Variants in WDR41 observed in about 807,000 individuals in gnomAD.
WDR41 encodes the protein WD repeat-containing protein 41.
WDR41 carries 63 observed loss-of-function variants against 69.3 expected under a neutral mutation model. That is an observed-to-expected ratio of 0.91 (90% CI 0.74 to 1.12). WDR41 has a LOEUF of 1.12. WDR41 is among the 50% of genes most tolerant of loss of function. The pLI is 0.00. For synonymous variants in WDR41, 185 were observed against 192.1 expected (o/e 0.96, Z 0.31); for missense variants, 543 against 534.5 (o/e 1.02, Z -0.16).
chr5:77,474,987 C>G (rs1400408456), intron 2 of WDR41, among the ~76,000 whole-genome samples: 1 of 152,200 alleles, frequency 6.6e-6, no homozygotes, highest in African/African-American at 2.4e-5. Context: ...AGCAGGGCGA[C>G]GCATTGCCTC....
chr5:77,450,016 AC>A (rs1242401010), intron 7 of WDR41, 146 bp from the exon 8 acceptor site: 3 of 614,322 alleles, frequency 4.9e-6, no homozygotes, highest in Non-Finnish European at 8.7e-6. Context: ...TATTCATACT[AC>A]TTTAAACTAT....
At chr5:77,521,301 A>T (rs1802367461) in intron 1 of WDR41, among the ~76,000 whole-genome samples, 1 of 152,212 alleles carries the variant, frequency 6.6e-6, no homozygotes, top group African/African-American at 2.4e-5. Flanking sequence ...CTCCTGTGAG[A>T]ATCTAATGCC....
intron 1 of WDR41, chr5:77,545,721 C>T (rs1001146540): frequency 3.7e-5 from 20 of 539,980 alleles, no homozygotes; most frequent in Admixed American, 6.6e-5. Flanking sequence ...AGCAGACCCA[C>T]GCTGGCCAGT....
chr5:77,508,202 G>T (rs1354504830), intron 1 of WDR41, among the ~76,000 whole-genome samples: 1 of 151,670 alleles, frequency 6.6e-6, no homozygotes, highest in Non-Finnish European at 1.5e-5. Flanking sequence ...GCTCACTGCA[G>T]CCTCGACCAC....
At chr5:77,543,338 G>T (rs1743127515) in intron 1 of WDR41, among the ~76,000 whole-genome samples, 1 of 152,160 alleles carries the variant, frequency 6.6e-6, no homozygotes, top group Non-Finnish European at 1.5e-5. Context: ...AATTCAGGAG[G>T]TTAGTTACTA....
At chr5:77,603,388 T>C (rs1744360035) in intron 1 of WDR41, among the ~76,000 whole-genome samples, 1 of 152,238 alleles carries the variant, frequency 6.6e-6, no homozygotes, top group Admixed American at 6.5e-5. Flanking sequence ...TCTATTCATG[T>C]CCTTTGCCCA....
At position 77,545,957 on chromosome 5, in the gene WDR41, C is replaced by T. The variant is rs768333879; in HGVS notation, c.43-56385G>A. The T allele has an allele frequency of 6.2e-5, 30 of 485,418 alleles. 1 individual carries two copies. Among genetic ancestry groups the T allele is most frequent in the African/African-American group, 4.1e-4 (20 of 49,276 alleles). 30.1% of individuals were successfully genotyped at this position (485,418 alleles called of 1,614,324 possible). A position where few individuals can be genotyped will look rare whatever the true frequency, so the allele number is the denominator to read the frequency against. ...GCAAGGTGACAGGCCGCTGTGGCTC[C>T]GTGCTGGTGACCTCATCCCTGTGCC... is the stretch of plus-strand genomic sequence containing the variant. On this transcript the variant is annotated intron_variant, in intron 1 of 5. Transcript: ENST00000509971.
chr5:77,565,303 T>C (rs974235043), intron 1 of WDR41, among the ~76,000 whole-genome samples: 5 of 152,244 alleles, frequency 3.3e-5, no homozygotes, highest in African/African-American at 1.2e-4. Flanking sequence ...GCATTTCTAA[T>C]GGTGTCCTAC....
intron 1 of WDR41, among the ~76,000 whole-genome samples, chr5:77,575,266 T>C (rs532776586): frequency 6.6e-6 from 1 of 152,364 alleles, no homozygotes; most frequent in East Asian, 1.9e-4. Context: ...ACGACACTAA[T>C]ACCAGAGTTG....
At chr5:77,614,291 A>G (rs1044397760) in intron 1 of WDR41, among the ~76,000 whole-genome samples, 1 of 151,696 alleles carries the variant, frequency 6.6e-6, no homozygotes, top group Non-Finnish European at 1.5e-5. Flanking sequence ...CCATCCCATT[A>G]CTGGGTATAT....
At chr5:77,600,371 C>G (rs1744300950) in intron 1 of WDR41, among the ~76,000 whole-genome samples, 1 of 152,190 alleles carries the variant, frequency 6.6e-6, no homozygotes, top group African/African-American at 2.4e-5. Flanking sequence ...AATGATCTCA[C>G]TTATTTGTTA....
chr5:77,512,276 G>A (rs1337457668), intron 1 of WDR41, among the ~76,000 whole-genome samples: 1 of 150,482 alleles, frequency 6.6e-6, no homozygotes, highest in African/African-American at 2.5e-5. Context: ...CCAGATGATT[G>A]TAATGTGCCC....
At chr5:77,607,150 C>A (rs114305389) in intron 1 of WDR41, among the ~76,000 whole-genome samples, 4,988 of 152,138 alleles carry the variant, frequency 0.033, 91 homozygotes, top group South Asian at 0.056. Context: ...TATTATCAAA[C>A]TATTATTAGA....
intron 8 of WDR41, among the ~76,000 whole-genome samples, chr5:77,445,464 C>T (rs575286326): frequency 6.6e-6 from 1 of 151,984 alleles, no homozygotes; most frequent in Admixed American, 6.5e-5. Flanking sequence ...GGAAGAGACA[C>T]AACAAAAAAA....
At chr5:77,603,788 A>C (rs1269219626) in intron 1 of WDR41, among the ~76,000 whole-genome samples, 3 of 152,188 alleles carry the variant, frequency 2.0e-5, no homozygotes, top group African/African-American at 7.2e-5. Context: ...ATTCTTCTGC[A>C]TGTGGATATC....
At chr5:77,449,375 T>C (rs1347466562) in intron 8 of WDR41, among the ~76,000 whole-genome samples, 1 of 152,198 alleles carries the variant, frequency 6.6e-6, no homozygotes, top group Non-Finnish European at 1.5e-5. Flanking sequence ...TAACTTGCTA[T>C]GTGATATTGT....
chr5:77,597,442 C>G lies in WDR41; in HGVS notation c.42+23037G>C, dbSNP rs545704279. ...TCTCTACCTTGTTTCTGGCCCTGAT[C>G]TGAGTTTGGCCCTCAGTAAGTAGTT... On this transcript the variant is annotated intron_variant, in intron 1 of 5. Coordinates refer to the WDR41 transcript ENST00000509971. 2.0e-5 allele frequency among the ~76,000 whole-genome samples: 3 copies of G among 152,214 alleles called. No individual in the cohort carries two copies. In the East Asian group the frequency reaches 5.8e-4, roughly 29 times the overall value.
At chr5:77,448,892 C>CAA (rs747340389) in intron 8 of WDR41, among the ~76,000 whole-genome samples, 18 of 134,462 alleles carry the variant, frequency 1.3e-4, no homozygotes, top group African/African-American at 4.5e-4. Flanking sequence ...AACAAACAAA[C>CAA]ACAAACAAAA....
intron 1 of WDR41, among the ~76,000 whole-genome samples, chr5:77,510,500 C>T (rs146679475): frequency 2.0e-3 from 303 of 152,198 alleles, no homozygotes; most frequent in Non-Finnish European, 3.7e-3. Flanking sequence ...TATGGTTCTG[C>T]CCAACAAGAA....
Sources: gnomAD v4.1 joint callset for allele counts (sites outside exome capture counted in the v4.1 genomes callset) on GRCh38, gnomAD v4.1.1 for gene constraint, MANE v1.5 for transcripts, NCBI Gene and HGNC (gene_info 2026-07-23, HGNC 2026-07-21) for gene names.